Variants in ECHDC1 observed in about 807,000 individuals in gnomAD.
ECHDC1 encodes ethylmalonyl-CoA decarboxylase.
ECHDC1 carries 29 observed loss-of-function variants against 29.7 expected under a neutral mutation model. The observed-to-expected ratio is 0.98, with a 90% confidence interval of 0.73 to 1.33. The LOEUF (loss-of-function observed/expected upper bound fraction) is 1.33, where lower values mean the gene tolerates loss of function less well. ECHDC1 is among the 40% of genes most tolerant of loss of function. ECHDC1 has a pLI of 0.00. For synonymous variants in ECHDC1, 126 were observed against 123.1 expected (o/e 1.02, Z -0.15); for missense variants, 328 against 350.0 (o/e 0.94, Z 0.50).
chr6:127,324,597 T>C (rs1386586714), intron 3 of ECHDC1, among the ~76,000 whole-genome samples: 2 of 152,160 alleles, frequency 1.3e-5, no homozygotes, highest in East Asian at 3.9e-4. Context: ...CCATTTTCCA[T>C]AACCAGGACT....
At chr6:127,331,810 A>G (rs1391122627) in intron 1 of ECHDC1, 1 of 984,788 alleles carries the variant, frequency 1.0e-6, no homozygotes, top group Non-Finnish European at 1.2e-6. Flanking sequence ...CAGAAGTTTT[A>G]TTCTTAGCAT....
intron 3 of ECHDC1, 149 bp from the exon 4 acceptor site, chr6:127,316,651 G>T: frequency 1.6e-6 from 1 of 638,372 alleles, no homozygotes; most frequent in African/African-American, 1.9e-5. Context: ...GATGTTGTCT[G>T]AAATGCAAAT....
intron 5 of ECHDC1, among the ~76,000 whole-genome samples, chr6:127,296,946 A>C (rs1288816256): frequency 6.6e-6 from 1 of 152,182 alleles, no homozygotes; most frequent in Non-Finnish European, 1.5e-5. Context: ...CGGAAGTTGC[A>C]GTGAGCAGTG....
At chr6:127,343,156 C>T (rs150147201) in intron 1 of ECHDC1, 180 bp downstream of exon 1, 1 of 152,326 alleles carries the variant, frequency 6.6e-6, no homozygotes, top group East Asian at 1.9e-4. Context: ...GTCTCCACGT[C>T]CAGCGCGGGG....
intron 5 of ECHDC1, among the ~76,000 whole-genome samples, chr6:127,298,659 G>A (rs1016409141): frequency 1.3e-5 from 2 of 152,096 alleles, no homozygotes; most frequent in Non-Finnish European, 2.9e-5. Context: ...GATCCCATAA[G>A]ATTATAATGG....
chr6:127,292,504 T>C (rs1338191644), intron 5 of ECHDC1, among the ~76,000 whole-genome samples: 1 of 152,018 alleles, frequency 6.6e-6, no homozygotes, highest in Non-Finnish European at 1.5e-5. Context: ...GGTGTGCTTA[T>C]GTACTGATAT....
rs9491728 is a variant in ECHDC1 at position 127,304,847 on chromosome 6, G to T, written c.497+9969C>A. On this transcript the variant is annotated intron_variant, in intron 5 of 5. Transcript: ENST00000454859. ...AAAGAATTAGTGAGCTTGAAGACAG[G>T]CTATTTGAAAATATAGTCAGAGAAG... is the stretch of plus-strand genomic sequence containing the variant. Among the ~76,000 whole-genome samples the T allele has an allele frequency of 3.3e-3, 506 of 152,178 alleles. 5 individuals are homozygous for T. The highest frequency in any genetic ancestry group is 0.011 in the African/African-American group (476 of 41,528).
chr6:127,303,364 T>A (rs975612554), intron 5 of ECHDC1, among the ~76,000 whole-genome samples: 1 of 152,142 alleles, frequency 6.6e-6, no homozygotes, highest in Non-Finnish European at 1.5e-5. Context: ...TTGAAGGAAA[T>A]TCAAAGTGCT....
At position 127,340,742 on chromosome 6, in the gene ECHDC1, G is replaced by GT. The variant is rs68050011; in HGVS notation, c.-3+2593dup. On this transcript the variant is annotated intron_variant, in intron 1 of 5. Coordinates refer to ENST00000454859, the MANE Select transcript of ECHDC1 (RefSeq NM_001002030.2). Reference sequence around the variant, plus strand: ...AAGGACTTAGATAGTTGCTTTAAAAGTTTTTTTTTTTTTTGCCTGTCTGCC... The same window carrying GT: ...AAGGACTTAGATAGTTGCTTTAAAAGTTTTTTTTTTTTTTTGCCTGTCTGCC... Among the ~76,000 whole-genome samples, 277 of 146,614 alleles carry GT rather than the reference G, an allele frequency of 1.9e-3. 1 individual carries two copies. Among genetic ancestry groups the GT allele is most frequent in the African/African-American group, 4.9e-3 (198 of 40,046 alleles).
intron 3 of ECHDC1, chr6:127,326,690 AAG>A (rs926278118): frequency 8.8e-4 from 313 of 357,602 alleles, no homozygotes; most frequent in East Asian, 1.5e-3. Context: ...CATTAACAGC[AAG>A]AGAGAGAGAG....
intron 5 of ECHDC1, among the ~76,000 whole-genome samples, chr6:127,311,984 G>GTA (rs1438035161): frequency 6.6e-6 from 1 of 151,786 alleles, no homozygotes; most frequent in African/African-American, 2.4e-5. Flanking sequence ...TTTCATAAGT[G>GTA]TATAGTTAGT....
chr6:127,321,022 A>G (rs1206399666), intron 3 of ECHDC1, among the ~76,000 whole-genome samples: 1 of 152,168 alleles, frequency 6.6e-6, no homozygotes, highest in Non-Finnish European at 1.5e-5. Flanking sequence ...TGTAGTTTAC[A>G]TTAATAAAAA....
chr6:127,303,700 T>C (rs185808257), intron 5 of ECHDC1, among the ~76,000 whole-genome samples: 7 of 152,334 alleles, frequency 4.6e-5, no homozygotes, highest in Admixed American at 4.6e-4. Context: ...GCTAGGGTTA[T>C]TGATGAAGGT....
At chr6:127,321,513 A>G (rs571733221) in intron 3 of ECHDC1, among the ~76,000 whole-genome samples, 6 of 152,316 alleles carry the variant, frequency 3.9e-5, no homozygotes, top group African/African-American at 1.4e-4. Flanking sequence ...TACATAAACT[A>G]TTTCTAGTTC....
chr6:127,340,246 G>T (rs1223059059), intron 1 of ECHDC1, among the ~76,000 whole-genome samples: 2 of 152,156 alleles, frequency 1.3e-5, no homozygotes, highest in African/African-American at 4.8e-5. Context: ...ATAACCTGAT[G>T]CATTTTCTAT....
chr6:127,330,676 T>A, intron 2 of ECHDC1, 133 bp downstream of exon 2: 3 of 678,150 alleles, frequency 4.4e-6, no homozygotes, highest in Non-Finnish European at 7.3e-6. Flanking sequence ...GTTGTTGTTT[T>A]TGTTATTTTT....
In ECHDC1 at chr6:127,290,175, T is replaced by A; in HGVS notation, c.600A>T (p.Arg200Ser). 6.2e-7 allele frequency: 1 copy of A among 1,613,750 alleles called. No individual in the cohort carries two copies. Among genetic ancestry groups the A allele is most frequent in the Non-Finnish European group, 8.5e-7 (1 of 1,179,778 alleles). ...TTRLVEIIGSRQALKVLSGAL... is the reference protein window; with the variant it reads ...TTRLVEIIGSSQALKVLSGAL... ...CCCCACTCAACACTTTGAGAGCTTG[T>A]CTACTTCCGATTATTTCAACTAGCC... Residue 200 changes from arginine to serine, a missense_variant, in exon 6 of 6, where the codon AGA (arginine) becomes AGT (serine). Transcript: ENST00000454859.
intron 3 of ECHDC1, among the ~76,000 whole-genome samples, chr6:127,322,517 T>C (rs1013191132): frequency 1.3e-5 from 2 of 152,126 alleles, no homozygotes; most frequent in Admixed American, 1.3e-4. Context: ...ACTTGGAGAA[T>C]GTAGGTACTA....
intron 3 of ECHDC1, among the ~76,000 whole-genome samples, chr6:127,322,646 G>A (rs73771680): frequency 6.7e-6 from 1 of 149,228 alleles, no homozygotes; most frequent in South Asian, 2.1e-4. Flanking sequence ...ATATATGTGT[G>A]TATATATATA....
Sources: gnomAD v4.1 joint callset for allele counts (sites outside exome capture counted in the v4.1 genomes callset) on GRCh38, gnomAD v4.1.1 for gene constraint, MANE v1.5 for transcripts, NCBI Gene and HGNC (gene_info 2026-07-23, HGNC 2026-07-21) for gene names.